SEZ6L: variants seen among roughly 807,000 people sequenced by gnomAD.
SEZ6L encodes seizure related 6 homolog like, also known as seizure 6-like protein.
A neutral mutation model predicts 106.2 loss-of-function variants in SEZ6L; 37 were observed. That is an observed-to-expected ratio of 0.35 (90% CI 0.27 to 0.46). The LOEUF (loss-of-function observed/expected upper bound fraction) is 0.46. SEZ6L is among the 20% of genes least tolerant of loss of function. The probability of loss-of-function intolerance (pLI) is 1.00; values close to 1 mark genes in which losing one functional copy is unlikely to be tolerated. For synonymous variants in SEZ6L, 541 were observed against 570.4 expected (o/e 0.95, Z 0.73); for missense variants, 1,172 against 1,332.8 (o/e 0.88, Z 1.88).
chr22:26,313,511 C>T (rs1363859797), intron 8 of SEZ6L, among the ~76,000 whole-genome samples: 4 of 151,802 alleles, frequency 2.6e-5, no homozygotes, highest in Non-Finnish European at 4.4e-5. Context: ...CACCTCTTAG[C>T]CCAACTTTTA....
intron 1 of SEZ6L, among the ~76,000 whole-genome samples, chr22:26,221,294 A>T (rs5752282): frequency 0.32 from 48,387 of 151,704 alleles, 8,703 homozygotes; most frequent in East Asian, 0.47. Flanking sequence ...TGTTCCTCCA[A>T]TCTAATTTCC....
Position 26,231,500 on chromosome 22 carries a change from G to A in SEZ6L, c.95-60906G>A, listed in dbSNP as rs538726585. ...GAAGCCTATGCAGAGTTTTCTGTTTGGAAGGGATGCCTCTATCTGTACTGC... is the reference window on the plus strand; with the variant it reads ...GAAGCCTATGCAGAGTTTTCTGTTTAGAAGGGATGCCTCTATCTGTACTGC... On this transcript the variant is annotated intron_variant, in intron 1 of 16. Transcript: ENST00000248933. Among the ~76,000 whole-genome samples, 4 of 152,274 alleles carry A rather than the reference G, an allele frequency of 2.6e-5. No individual in the cohort carries two copies. In the South Asian group the frequency reaches 8.3e-4, roughly 32 times the overall value.
At chr22:26,190,884 A>G (rs1940152528) in intron 1 of SEZ6L, among the ~76,000 whole-genome samples, 1 of 152,216 alleles carries the variant, frequency 6.6e-6, no homozygotes, top group African/African-American at 2.4e-5. Flanking sequence ...GTGTGCTAAT[A>G]ATAAAATGAC....
chr22:26,231,099 G>A (rs1020491082), intron 1 of SEZ6L, among the ~76,000 whole-genome samples: 15 of 152,356 alleles, frequency 9.8e-5, no homozygotes, highest in East Asian at 7.7e-4. Context: ...AGCAGCAGGC[G>A]CAAGAGGTAT....
chr22:26,276,847 G>T (rs1223588046), intron 1 of SEZ6L, among the ~76,000 whole-genome samples: 2 of 152,230 alleles, frequency 1.3e-5, no homozygotes, highest in African/African-American at 2.4e-5. Flanking sequence ...AGTTGGCATT[G>T]ATGTCAGCCA....
chr22:26,332,827 G>T (rs967491222), intron 9 of SEZ6L, among the ~76,000 whole-genome samples: 1 of 152,218 alleles, frequency 6.6e-6, no homozygotes, highest in Non-Finnish European at 1.5e-5. Context: ...TTGAAAACGT[G>T]TGTATGTGGC....
chr22:26,311,478 A>T (rs759721324), intron 7 of SEZ6L, among the ~76,000 whole-genome samples: 3 of 152,238 alleles, frequency 2.0e-5, no homozygotes, highest in Non-Finnish European at 4.4e-5. Flanking sequence ...GTTACGGGCC[A>T]TGGGAAGGAT....
At chr22:26,289,074 T>G (rs1039239732) in intron 1 of SEZ6L, among the ~76,000 whole-genome samples, 1 of 152,254 alleles carries the variant, frequency 6.6e-6, no homozygotes, top group African/African-American at 2.4e-5. Flanking sequence ...TCATATGCAG[T>G]CTGGCTGCCC....
At chr22:26,252,618 A>G (rs1272574558) in intron 1 of SEZ6L, among the ~76,000 whole-genome samples, 1 of 152,174 alleles carries the variant, frequency 6.6e-6, no homozygotes, top group Non-Finnish European at 1.5e-5. Context: ...GACCATCTAA[A>G]TGTACATATG....
chr22:26,219,634 C>T (rs1365625225), intron 1 of SEZ6L, among the ~76,000 whole-genome samples: 1 of 152,090 alleles, frequency 6.6e-6, no homozygotes, highest in Non-Finnish European at 1.5e-5. Flanking sequence ...ATAATTAAAA[C>T]AACTAAGAGG....
intron 12 of SEZ6L, among the ~76,000 whole-genome samples, chr22:26,360,174 T>A (rs1422750993): frequency 6.6e-6 from 1 of 152,212 alleles, no homozygotes; most frequent in African/African-American, 2.4e-5. Context: ...GGTGACTAAT[T>A]AAATTAAAAT....
At chr22:26,223,001 T>A (rs1046387766) in intron 1 of SEZ6L, among the ~76,000 whole-genome samples, 3 of 151,576 alleles carry the variant, frequency 2.0e-5, no homozygotes, top group Non-Finnish European at 4.4e-5. Flanking sequence ...AAAAAAAAAA[T>A]TATCTGGCCC....
intron 1 of SEZ6L, among the ~76,000 whole-genome samples, chr22:26,208,683 A>G (rs1941418702): frequency 6.6e-6 from 1 of 152,152 alleles, no homozygotes; most frequent in Non-Finnish European, 1.5e-5. Flanking sequence ...TAGTTTGACT[A>G]TGACATACAT....
At chr22:26,319,490 T>C (rs2082095167) in intron 9 of SEZ6L, among the ~76,000 whole-genome samples, 2 of 152,216 alleles carry the variant, frequency 1.3e-5, no homozygotes, top group African/African-American at 2.4e-5. Flanking sequence ...TTTATTCCTC[T>C]CTTCTCCTTT....
chr22:26,360,852 T>G (rs1601611666), intron 12 of SEZ6L, among the ~76,000 whole-genome samples: 3 of 151,236 alleles, frequency 2.0e-5, no homozygotes, highest in South Asian at 2.1e-4. Context: ...AGCACAGGGA[T>G]GGAACATTGG....
At chr22:26,359,481 C>T (rs762690755) in intron 12 of SEZ6L, among the ~76,000 whole-genome samples, 11 of 152,136 alleles carry the variant, frequency 7.2e-5, no homozygotes, top group East Asian at 5.8e-4. Flanking sequence ...AACCGTTCTG[C>T]GCTGCATTCT....
chr22:26,201,475 G>A (rs1473580810), intron 1 of SEZ6L, among the ~76,000 whole-genome samples: 2 of 151,566 alleles, frequency 1.3e-5, no homozygotes, highest in African/African-American at 2.4e-5. Flanking sequence ...GCAGGAGAAC[G>A]GCTTGAACCT....
At chr22:26,175,637 C>G (rs1938936958) in intron 1 of SEZ6L, among the ~76,000 whole-genome samples, 1 of 152,106 alleles carries the variant, frequency 6.6e-6, no homozygotes, top group East Asian at 1.9e-4. Context: ...GAGAAGACCT[C>G]GTAAAAGAGA....
rs1247149879 is a variant in SEZ6L at position 26,348,612 on chromosome 22, A to AAG, written c.2407+700_2407+701insGA. Among the ~76,000 whole-genome samples the AAG allele has an allele frequency of 2.6e-3, 56 of 21,762 alleles. 2 individuals carry two copies. Among genetic ancestry groups the AAG allele is most frequent in the African/African-American group, 8.4e-3 (19 of 2,272 alleles). The allele number at this position is 21,762 out of a possible 152,430, so 14.3% of individuals were successfully genotyped here. ...AGAAAGAAAGAAAGAAAGAAAGAGA[A>AAG]AAAGAAAGAAAGAAAGAAAGAAAGA... On this transcript the variant is annotated intron_variant, in intron 11 of 16. Transcript: ENST00000248933.
Sources: gnomAD v4.1 joint callset for allele counts (sites outside exome capture counted in the v4.1 genomes callset) on GRCh38, gnomAD v4.1.1 for gene constraint, MANE v1.5 for transcripts, NCBI Gene and HGNC (gene_info 2026-07-23, HGNC 2026-07-21) for gene names.